The following PIN4 variants were observed in gnomAD, a reference collection of about 807,000 sequenced individuals.
The protein encoded by PIN4 is peptidylprolyl cis/trans isomerase, NIMA-interacting 4.
In PIN4, 3 loss-of-function variants were observed where a neutral mutation model predicts 8.3. The observed-to-expected ratio is 0.36, with a 90% confidence interval of 0.16 to 0.93. The LOEUF is 0.93. PIN4 is among the 40% of genes least tolerant of loss of function. PIN4 has a pLI of 0.44. For missense variants in PIN4, 75 were observed against 100.6 expected, an observed-to-expected ratio of 0.75 and a Z score of 1.09; for synonymous variants, 18 against 32.5, an observed-to-expected ratio of 0.55 and a Z score of 1.52.
intron 3 of PIN4, among the ~76,000 whole-genome samples, chrX:72,255,072 G>T (rs191680795): frequency 9.1e-4 from 99 of 108,758 alleles, no homozygotes; most frequent in African/African-American, 3.3e-3. Context: ...GGGAGGAGTC[G>T]GGGTGGCGGC....
Position 72,197,950 on chromosome X carries a change from A to G in PIN4, c.*424A>G. 1.3e-6 allele frequency: 1 copy of G among 756,795 alleles called. No individual in the cohort carries two copies. The highest frequency in any genetic ancestry group is 1.6e-6 in the Non-Finnish European group (1 of 639,233). The allele number at this position is 756,795 out of a possible 1,213,427, so 62.4% of individuals were successfully genotyped here. ...ATCATAAAATAAGTTCCTAGACAAC[A>G]TTTGTTTTACATGTTAGTCAACTCT... On this transcript the variant is annotated 3_prime_UTR_variant, in exon 4 of 4. Coordinates refer to ENST00000373669, the MANE Select transcript of PIN4 (RefSeq NM_006223.4).
At chrX:72,244,504 T>G in intron 3 of PIN4, among the ~76,000 whole-genome samples, 1 of 111,669 alleles carries the variant, frequency 9.0e-6, no homozygotes, top group East Asian at 2.8e-4. Context: ...AAGCCTAGAA[T>G]GCTGAGTTGA....
At chrX:72,224,817 C>T (rs886880342) in intron 3 of PIN4, among the ~76,000 whole-genome samples, 10 of 111,155 alleles carry the variant, frequency 9.0e-5, no homozygotes, top group African/African-American at 3.3e-4. Context: ...AACACTGACT[C>T]CCCCATAATA....
At chrX:72,195,316 G>A (rs1183148057) in intron 2 of PIN4, among the ~76,000 whole-genome samples, 1 of 111,478 alleles carries the variant, frequency 9.0e-6, no homozygotes, top group Non-Finnish European at 1.9e-5. Flanking sequence ...TGGAATTGTG[G>A]GGAGGCTTAT....
intron 1 of PIN4, chrX:72,186,130 G>A (rs1464326717): frequency 1.4e-5 from 4 of 282,345 alleles, no homozygotes; most frequent in Non-Finnish European, 2.6e-5. Context: ...CACGGCCCAC[G>A]GGCTGCATAC....
intron 3 of PIN4, chrX:72,205,604 ATGAGAAT>A: frequency 8.3e-7 from 1 of 1,211,697 alleles, no homozygotes. Context: ...TGTTTCACAG[ATGAGAAT>A]TGAAAGAGAG....
intron 2 of PIN4, among the ~76,000 whole-genome samples, chrX:72,191,316 C>G (rs189568207): frequency 5.4e-5 from 6 of 110,880 alleles, no homozygotes; most frequent in Non-Finnish European, 1.1e-4. Context: ...TTTGGGAGCC[C>G]GAGGTGGGTG....
intron 3 of PIN4, among the ~76,000 whole-genome samples, chrX:72,209,363 C>G (rs1468067072): frequency 8.9e-6 from 1 of 112,068 alleles, no homozygotes; most frequent in Non-Finnish European, 1.9e-5. Flanking sequence ...TTCTGGACAT[C>G]TCCACTTGAA....
chrX:72,231,554 G>A (rs1360953892), intron 3 of PIN4, among the ~76,000 whole-genome samples: 1 of 110,338 alleles, frequency 9.1e-6, no homozygotes, highest in Non-Finnish European at 1.9e-5. Context: ...CTAAAAGAAT[G>A]AACTTTTTTT....
downstream of PIN4, among the ~76,000 whole-genome samples, chrX:72,202,349 C>T (rs1417889226): frequency 2.7e-5 from 3 of 112,445 alleles, no homozygotes; most frequent in Non-Finnish European, 5.6e-5. Flanking sequence ...ACAGAAAGAG[C>T]ATTGCTATTT....
intron 3 of PIN4, among the ~76,000 whole-genome samples, chrX:72,219,325 G>A (rs1471929468): frequency 9.1e-6 from 1 of 109,887 alleles, no homozygotes; most frequent in African/African-American, 3.3e-5. Flanking sequence ...AGGCCAAGGC[G>A]GGAGGATCAC....
intron 3 of PIN4, among the ~76,000 whole-genome samples, chrX:72,232,767 G>A (rs1045507591): frequency 4.5e-5 from 5 of 111,654 alleles, no homozygotes; most frequent in Admixed American, 3.8e-4. Context: ...CTGAGATCGC[G>A]TCATTGTACT....
chrX:72,205,874 G>T, intron 3 of PIN4: 2 of 1,211,482 alleles, frequency 1.7e-6, no homozygotes, highest in Non-Finnish European at 2.2e-6. Flanking sequence ...GAAAAATTTT[G>T]TCTGTTGTCT....
intron 2 of PIN4, among the ~76,000 whole-genome samples, chrX:72,196,186 T>C (rs910090236): frequency 3.6e-5 from 4 of 110,719 alleles, no homozygotes; most frequent in Non-Finnish European, 5.7e-5. Context: ...GGACCACAGC[T>C]CTCAACCCGT....
intron 3 of PIN4, among the ~76,000 whole-genome samples, chrX:72,251,203 A>T (rs2043085886): frequency 9.7e-6 from 1 of 103,197 alleles, no homozygotes; most frequent in African/African-American, 3.5e-5. Flanking sequence ...TAAAAATACA[A>T]AAAAAAAAAA....
chrX:72,233,943 C>T lies in PIN4; in HGVS notation c.313-28764C>T, dbSNP rs780274867. ...CAGCCTGGCCAACATGGTGAAACCC[C>T]ATACTAAAAATACAATAATTAGCCT... On this transcript the variant is annotated intron_variant, in intron 3 of 3. Coordinates refer to the PIN4 transcript ENST00000423432. Among the ~76,000 whole-genome samples the T allele has an allele frequency of 3.7e-5, 4 of 107,942 alleles. No individual in the cohort carries two copies. The South Asian group carries it at 1.7e-3, about 45-fold the overall frequency. The allele number at this position is 107,942 out of a possible 115,157, so 93.7% of individuals were successfully genotyped here. A position where few individuals can be genotyped will look rare whatever the true frequency, so the allele number is the denominator to read the frequency against.
At chrX:72,189,372 T>C (rs6525592) in intron 2 of PIN4, among the ~76,000 whole-genome samples, 48,922 of 109,405 alleles carry the variant, frequency 0.45, 10,210 homozygotes, top group East Asian at 0.98. Context: ...ACCTCTGCCC[T>C]CTTAACCCAT....
At chrX:72,201,869 A>T (rs2042791310), downstream of PIN4, among the ~76,000 whole-genome samples, 2 of 112,924 alleles carry the variant, frequency 1.8e-5, no homozygotes, top group South Asian at 7.2e-4. Flanking sequence ...AAACAAAGCA[A>T]GGAAGGGACA....
At chrX:72,235,190 T>C (rs2043009371) in intron 3 of PIN4, among the ~76,000 whole-genome samples, 1 of 111,835 alleles carries the variant, frequency 8.9e-6, no homozygotes, top group African/African-American at 3.3e-5. Flanking sequence ...CTCACTGGGC[T>C]AAAATTAAGG....
Sources: gnomAD v4.1 joint callset for allele counts (sites outside exome capture counted in the v4.1 genomes callset) on GRCh38, gnomAD v4.1.1 for gene constraint, MANE v1.5 for transcripts, NCBI Gene and HGNC (gene_info 2026-07-23, HGNC 2026-07-21) for gene names.